The following GRID2 variants were observed in gnomAD, a reference collection of about 807,000 sequenced individuals.
GRID2 encodes glutamate ionotropic receptor delta type subunit 2.
Under a neutral mutation model 114.8 loss-of-function variants are expected in GRID2, and 33 were observed. The ratio of observed to expected loss-of-function variants is 0.29; its 90% CI spans 0.22 to 0.38. The LOEUF (loss-of-function observed/expected upper bound fraction) is 0.38, where lower values mean the gene tolerates loss of function less well. Among genes scored for constraint, GRID2 ranks in the 10% least tolerant of loss-of-function variants. The pLI is 1.00. For synonymous variants in GRID2, 505 were observed against 449.9 expected, an observed-to-expected ratio of 1.12 and a Z score of -1.55; for missense variants, 1,184 against 1,257.7, an observed-to-expected ratio of 0.94 and a Z score of 0.89.
chr4:93,305,516 C>T (rs948174824), intron 8 of GRID2, among the ~76,000 whole-genome samples: 2 of 151,928 alleles, frequency 1.3e-5, no homozygotes, highest in Non-Finnish European at 2.9e-5. Context: ...GAGGTTCTTT[C>T]AATATTGAGA....
chr4:93,545,557 A>G (rs1215216813), intron 13 of GRID2, among the ~76,000 whole-genome samples: 4 of 152,168 alleles, frequency 2.6e-5, no homozygotes, highest in Non-Finnish European at 5.9e-5. Context: ...ATCTTATCCA[A>G]AGGAATTGGA....
At chr4:93,510,328 G>T (rs1300105858) in intron 12 of GRID2, among the ~76,000 whole-genome samples, 1 of 152,160 alleles carries the variant, frequency 6.6e-6, no homozygotes, top group Non-Finnish European at 1.5e-5. Flanking sequence ...AGACAAAGAA[G>T]ATGGAGATGG....
At chr4:93,118,766 A>G (rs531580600) in intron 4 of GRID2, among the ~76,000 whole-genome samples, 2 of 152,198 alleles carry the variant, frequency 1.3e-5, no homozygotes, top group Non-Finnish European at 2.9e-5. Flanking sequence ...AGACAGAGAA[A>G]CTAAAGGTTA....
At position 92,304,552 on chromosome 4, in the gene GRID2, A is replaced by G; in HGVS notation, c.-105A>G. ...TGGCAATAGGAATTTAGAAAAAAAG[A>G]AAAAGCTGCGCTAAACTCCACCGTG... On this transcript the variant is annotated 5_prime_UTR_variant, in exon 1 of 16. Coordinates refer to ENST00000282020, the MANE Select transcript of GRID2 (RefSeq NM_001510.4). 1 of 756,080 alleles carries G rather than the reference A, an allele frequency of 1.3e-6. No homozygotes were observed. Among genetic ancestry groups the G allele is most frequent in the Non-Finnish European group, 2.3e-6 (1 of 434,646 alleles). 46.8% of individuals were successfully genotyped at this position (756,080 alleles called of 1,614,324 possible).
At chr4:92,899,244 G>A (rs1313867606) in intron 2 of GRID2, among the ~76,000 whole-genome samples, 1 of 151,938 alleles carries the variant, frequency 6.6e-6, no homozygotes, top group East Asian at 1.9e-4. Flanking sequence ...TTTCTTGTAT[G>A]TTTGTAAATC....
rs111712299 is a variant in GRID2 at position 93,799,021 on chromosome 4, C to T, written c.222-7694C>T. ...ACTGAGGCTCAGAGAACAGGAGCTCCGATCTCAGCTCTTCCACTGCTTAGC... is the reference window on the plus strand; with the variant it reads ...ACTGAGGCTCAGAGAACAGGAGCTCTGATCTCAGCTCTTCCACTGCTTAGC... On this transcript the variant is annotated intron_variant, in intron 1 of 1. Coordinates refer to the GRID2 transcript ENST00000637838. Among the ~76,000 whole-genome samples the T allele has an allele frequency of 3.7e-3, 557 of 152,288 alleles. 5 individuals are homozygous for T. The highest frequency in any genetic ancestry group is 0.012 in the African/African-American group (510 of 41,560).
intron 2 of GRID2, among the ~76,000 whole-genome samples, chr4:92,708,296 T>G (rs758629081): frequency 6.6e-6 from 1 of 152,170 alleles, no homozygotes; most frequent in Non-Finnish European, 1.5e-5. Flanking sequence ...CAATTCAAGT[T>G]TCTCCCATCA....
rs113578106 is a variant in GRID2, at chr4:93,649,916, T to TA, written c.2360+23489dup. Among the ~76,000 whole-genome samples the TA allele has an allele frequency of 6.6e-4, 100 of 152,036 alleles. 1 individual carries two copies. The highest frequency in any genetic ancestry group is 6.8e-3 in the Middle Eastern group (2 of 294). On this transcript the variant is annotated intron_variant, in intron 14 of 15. Transcript: ENST00000282020. ...GGTTTTGAATCAGGCACTATGAAGA[T>TA]AAAAAAAAGAAAAACAGAATAAATA...
intron 10 of GRID2, among the ~76,000 whole-genome samples, chr4:93,436,846 A>G (rs1406578010): frequency 2.0e-5 from 3 of 152,182 alleles, no homozygotes; most frequent in Non-Finnish European, 4.4e-5. Flanking sequence ...TCAAAAGGAG[A>G]AACTAGTAGG....
At chr4:92,777,146 T>C (rs1332296668) in intron 2 of GRID2, among the ~76,000 whole-genome samples, 1 of 151,800 alleles carries the variant, frequency 6.6e-6, no homozygotes, top group African/African-American at 2.4e-5. Flanking sequence ...CCTGGGAGAC[T>C]GGTAAAAATT....
intron 2 of GRID2, among the ~76,000 whole-genome samples, chr4:93,061,131 TAA>T (rs1727754997): frequency 6.9e-6 from 1 of 145,618 alleles, no homozygotes; most frequent in African/African-American, 2.5e-5. Flanking sequence ...AATAAATAAA[TAA>T]ATAAATAAAT....
At chr4:93,751,971 TC>T (rs1441017456) in intron 14 of GRID2, among the ~76,000 whole-genome samples, 1 of 151,818 alleles carries the variant, frequency 6.6e-6, no homozygotes, top group Admixed American at 6.6e-5. Context: ...ACCTGAACAT[TC>T]TTTTTTTTTT....
At chr4:93,522,839 A>G (rs1384088391) in intron 13 of GRID2, among the ~76,000 whole-genome samples, 1 of 152,168 alleles carries the variant, frequency 6.6e-6, no homozygotes, top group Admixed American at 6.6e-5. Flanking sequence ...CAGGTAGTAG[A>G]AAAGACAAAA....
chr4:92,735,815 T>C (rs1736567774), intron 2 of GRID2, among the ~76,000 whole-genome samples: 1 of 152,094 alleles, frequency 6.6e-6, no homozygotes, highest in African/African-American at 2.4e-5. Context: ...TTGATAGTAC[T>C]TGTTCTCAAC....
chr4:93,304,067 T>G (rs952844304), intron 8 of GRID2, among the ~76,000 whole-genome samples: 1 of 151,510 alleles, frequency 6.6e-6, no homozygotes, highest in Non-Finnish European at 1.5e-5. Context: ...AAAAAGTACT[T>G]TAAAGGAAAT....
At chr4:92,548,153 T>A (rs1579561410) in intron 1 of GRID2, among the ~76,000 whole-genome samples, 1 of 151,986 alleles carries the variant, frequency 6.6e-6, no homozygotes, top group South Asian at 2.1e-4. Flanking sequence ...TAGAAAAATA[T>A]GGAAATGACA....
intron 2 of GRID2, among the ~76,000 whole-genome samples, chr4:92,764,229 A>G (rs150078037): frequency 1.3e-5 from 2 of 152,186 alleles, no homozygotes; most frequent in Admixed American, 1.3e-4. Flanking sequence ...GCTGGCAAAC[A>G]CATTCTTTAA....
intron 1 of GRID2, among the ~76,000 whole-genome samples, chr4:92,442,901 G>A (rs1202922517): frequency 1.5e-4 from 23 of 152,142 alleles, no homozygotes; most frequent in African/African-American, 2.7e-4. Flanking sequence ...GGCTAGTCAT[G>A]GAAGGAAACT....
At chr4:92,936,689 C>A (rs115085342) in intron 2 of GRID2, among the ~76,000 whole-genome samples, 1,633 of 146,146 alleles carry the variant, frequency 0.011, 51 homozygotes, top group African/African-American at 0.038. Flanking sequence ...CATAGTATTG[C>A]TGTAACTTCA....
Sources: gnomAD v4.1 joint callset for allele counts (sites outside exome capture counted in the v4.1 genomes callset) on GRCh38, gnomAD v4.1.1 for gene constraint, MANE v1.5 for transcripts, NCBI Gene and HGNC (gene_info 2026-07-23, HGNC 2026-07-21) for gene names.